SS18: variants seen among roughly 807,000 people sequenced by gnomAD.
The protein encoded by SS18 is protein SSXT.
A neutral mutation model predicts 72.5 loss-of-function variants in SS18; 28 were observed. The ratio of observed to expected loss-of-function variants is 0.39; its 90% CI spans 0.29 to 0.53. SS18 has a LOEUF of 0.53. Among genes scored for constraint, SS18 ranks in the 20% least tolerant of loss-of-function variants. The pLI is 0.76. For synonymous variants in SS18, 172 were observed against 164.2 expected, an observed-to-expected ratio of 1.05 and a Z score of -0.37; for missense variants, 518 against 535.3, an observed-to-expected ratio of 0.97 and a Z score of 0.32.
At chr18:26,047,222 A>G (rs1428115029) in intron 5 of SS18, among the ~76,000 whole-genome samples, 1 of 148,312 alleles carries the variant, frequency 6.7e-6, no homozygotes, top group Non-Finnish European at 1.5e-5. Flanking sequence ...ACAGGTACTT[A>G]CTGAATATTA....
chr18:26,025,366 TA>T, intron 10 of SS18, among the ~76,000 whole-genome samples: 1 of 151,746 alleles, frequency 6.6e-6, no homozygotes, highest in Non-Finnish European at 1.5e-5. Context: ...AAAGAAATAA[TA>T]AAGTTCTGGG....
chr18:26,021,923 T>C (rs1173571497), intron 10 of SS18, among the ~76,000 whole-genome samples: 6 of 152,138 alleles, frequency 3.9e-5, no homozygotes, highest in East Asian at 1.9e-4. Context: ...AGAAGAGAGA[T>C]TGAGACTATA....
rs72878209 is a variant in SS18, at chr18:26,022,879, T to G, written c.1231-4499A>C. On this transcript the variant is annotated intron_variant, in intron 10 of 10. Coordinates refer to ENST00000415083, the MANE Select transcript of SS18 (RefSeq NM_001007559.3). ...GTCACATAGGAACAGAATCAGTGCT[T>G]ATTCCCACCAGTCAGAGTAAAAAGC... Among the ~76,000 whole-genome samples the G allele has an allele frequency of 5.5e-3, 833 of 152,250 alleles. 4 individuals carry two copies. Among genetic ancestry groups the G allele is most frequent in the Admixed American group, 9.2e-3 (141 of 15,290 alleles).
At chr18:26,030,009 A>G (rs1396298384) in intron 10 of SS18, among the ~76,000 whole-genome samples, 1 of 152,176 alleles carries the variant, frequency 6.6e-6, no homozygotes, top group African/African-American at 2.4e-5. Context: ...GTATAGTCCC[A>G]AATTCCTGAG....
chr18:26,057,509 A>G (rs2054042685), intron 4 of SS18, 80 bp downstream of exon 4: 24 of 1,555,822 alleles, frequency 1.5e-5, no homozygotes, highest in Non-Finnish European at 2.1e-5. Flanking sequence ...GTCATCAACA[A>G]TCTAGTATCC....
At chr18:26,025,862 GA>G (rs774718028) in intron 10 of SS18, among the ~76,000 whole-genome samples, 68 of 138,564 alleles carry the variant, frequency 4.9e-4, no homozygotes, top group South Asian at 6.8e-4. Flanking sequence ...CATGTTACAA[GA>G]AAAAAAAAAA....
intron 2 of SS18, among the ~76,000 whole-genome samples, chr18:26,082,065 C>T (rs879757676): frequency 6.8e-6 from 1 of 148,050 alleles, no homozygotes; most frequent in Non-Finnish European, 1.5e-5. Flanking sequence ...TCTTGAAAAA[C>T]AAAACAAAAA....
At chr18:26,080,505 ACT>A in intron 2 of SS18, 3 of 319,994 alleles carry the variant, frequency 9.4e-6, no homozygotes, top group Non-Finnish European at 1.4e-5. Flanking sequence ...AATCTGCCAC[ACT>A]CTTAAGGTCT....
chr18:26,061,071 T>C (rs2054115816), intron 3 of SS18, among the ~76,000 whole-genome samples: 1 of 152,140 alleles, frequency 6.6e-6, no homozygotes, highest in Non-Finnish European at 1.5e-5. Context: ...CCCAGCACTT[T>C]GGGAGGCTGA....
chr18:26,019,873 A>G (rs2053317192), intron 10 of SS18, among the ~76,000 whole-genome samples: 1 of 151,898 alleles, frequency 6.6e-6, no homozygotes, highest in African/African-American at 2.4e-5. Flanking sequence ...CTAAATTTAA[A>G]TCAATGATCA....
At chr18:26,019,115 G>A (rs2053299912) in intron 10 of SS18, among the ~76,000 whole-genome samples, 1 of 152,070 alleles carries the variant, frequency 6.6e-6, no homozygotes, top group African/African-American at 2.4e-5. Flanking sequence ...TCTGTGAGTG[G>A]GGGTAAACAA....
intron 7 of SS18, among the ~76,000 whole-genome samples, chr18:26,037,957 A>C (rs994097942): frequency 6.6e-6 from 1 of 152,122 alleles, no homozygotes; most frequent in Non-Finnish European, 1.5e-5. Flanking sequence ...AACAAAAAAC[A>C]AAAAACCCTA....
intron 10 of SS18, among the ~76,000 whole-genome samples, chr18:26,024,737 A>C (rs2053416266): frequency 1.3e-5 from 2 of 152,206 alleles, no homozygotes; most frequent in Non-Finnish European, 2.9e-5. Context: ...AAATCAAAGG[A>C]AGGCAGAAAA....
chr18:26,044,108 G>T (rs900469740), intron 5 of SS18, among the ~76,000 whole-genome samples: 1 of 152,112 alleles, frequency 6.6e-6, no homozygotes, highest in African/African-American at 2.4e-5. Context: ...GGATAAAGCA[G>T]TGAACAGAAT....
intron 2 of SS18, chr18:26,080,490 C>T: frequency 2.3e-6 from 1 of 429,228 alleles, no homozygotes; most frequent in African/African-American, 2.2e-5. Flanking sequence ...ACTACTATTA[C>T]ATCTAATCTG....
chr18:26,075,348 G>GC (rs1457300033), intron 3 of SS18, among the ~76,000 whole-genome samples: 4 of 151,684 alleles, frequency 2.6e-5, no homozygotes, highest in Non-Finnish European at 5.9e-5. Context: ...ACTGAATATC[G>GC]CAATTTCTTT....
intron 3 of SS18, among the ~76,000 whole-genome samples, chr18:26,067,008 T>C (rs2054232249): frequency 6.6e-6 from 1 of 152,248 alleles, no homozygotes; most frequent in South Asian, 2.1e-4. Flanking sequence ...TTTTGGTATA[T>C]AAAAAGTTTT....
rs747074442 is a variant in SS18, at chr18:26,038,602, C to T, written c.833G>A (p.Gly278Asp). ...CATGCCTTCTGGAGGACCTTGTCCA[C>T]CATGACTGTATTGGTCCCCGTAATA... ...EDYYGDQYSH[G>D]GQGPPEGMNQ... The change falls in exon 7 of 11, where the codon GGT becomes GAT. Residue 278 changes from glycine to aspartate, a missense_variant. Gly to Asp is a moderately conservative substitution (Grantham distance 94). Transcript: ENST00000415083. 10 of 1,613,460 alleles carry T rather than the reference C, an allele frequency of 6.2e-6. No individual in the cohort carries two copies. The highest frequency in any genetic ancestry group is 3.3e-5 in the Admixed American group (2 of 59,994).
intron 9 of SS18, among the ~76,000 whole-genome samples, chr18:26,034,374 C>T (rs2053593270): frequency 6.6e-6 from 1 of 152,124 alleles, no homozygotes; most frequent in Non-Finnish European, 1.5e-5. Context: ...ATCAGGTCCT[C>T]GTCATTCCCC....
Sources: gnomAD v4.1 joint callset for allele counts (sites outside exome capture counted in the v4.1 genomes callset) on GRCh38, gnomAD v4.1.1 for gene constraint, MANE v1.5 for transcripts, NCBI Gene and HGNC (gene_info 2026-07-23, HGNC 2026-07-21) for gene names.